Variants in CSMD1 observed in about 807,000 individuals in gnomAD.
The protein encoded by CSMD1 is CUB and sushi domain-containing protein 1.
CSMD1 carries 213 observed loss-of-function variants against 417.5 expected under a neutral mutation model. The ratio of observed to expected loss-of-function variants is 0.51; its 90% CI spans 0.46 to 0.57. The LOEUF is 0.57. Among genes scored for constraint, CSMD1 ranks in the 20% least tolerant of loss-of-function variants. The pLI, the probability that CSMD1 is intolerant of heterozygous loss-of-function variation, is 0.00. For missense variants in CSMD1, 6,923 were observed against 4,529.7 expected (o/e 1.53, Z -15.17); for synonymous variants, 2,862 against 1,736.8 (o/e 1.65, Z -16.11).
chr8:3,962,524 A>T (rs1198985444), intron 5 of CSMD1, among the ~76,000 whole-genome samples: 2 of 152,174 alleles, frequency 1.3e-5, no homozygotes, highest in East Asian at 3.9e-4. Context: ...TTAACGTAAT[A>T]GGCTAATCGC....
intron 7 of CSMD1, among the ~76,000 whole-genome samples, chr8:3,629,377 T>C (rs968597528): frequency 5.3e-5 from 8 of 152,186 alleles, no homozygotes; most frequent in African/African-American, 9.7e-5. Flanking sequence ...TATATGTGTA[T>C]TTAGTTACAT....
At chr8:4,454,632 G>T (rs528248541) in intron 2 of CSMD1, among the ~76,000 whole-genome samples, 1 of 152,210 alleles carries the variant, frequency 6.6e-6, no homozygotes, top group Non-Finnish European at 1.5e-5. Context: ...AGCTGATAAA[G>T]AGACTAAGGC....
intron 10 of CSMD1, among the ~76,000 whole-genome samples, chr8:3,556,680 C>T (rs543633671): frequency 6.6e-6 from 1 of 152,024 alleles, no homozygotes; most frequent in Admixed American, 6.5e-5. Context: ...TTGCGTCTCT[C>T]TACTGTAAGC....
intron 4 of CSMD1, among the ~76,000 whole-genome samples, chr8:4,026,516 T>C (rs1421890948): frequency 6.6e-6 from 1 of 152,162 alleles, no homozygotes; most frequent in Non-Finnish European, 1.5e-5. Flanking sequence ...GGAGGATATG[T>C]AAGCAAAAAA....
intron 3 of CSMD1, among the ~76,000 whole-genome samples, chr8:4,079,812 A>C (rs564207493): frequency 6.6e-6 from 1 of 152,126 alleles, no homozygotes; most frequent in Non-Finnish European, 1.5e-5. Context: ...AGGGAGTGAC[A>C]TCACGAGAGA....
intron 4 of CSMD1, among the ~76,000 whole-genome samples, chr8:4,000,074 T>C (rs2688371): frequency 0.21 from 32,533 of 152,248 alleles, 4,362 homozygotes; most frequent in South Asian, 0.36. Context: ...AAGTACTTCC[T>C]GTGCCCACTA....
At chr8:3,065,698 A>G (rs79092055) in intron 49 of CSMD1, among the ~76,000 whole-genome samples, 1,786 of 152,304 alleles carry the variant, frequency 0.012, 40 homozygotes, top group African/African-American at 0.04. Context: ...AAGACAGAGA[A>G]AGAAAGATGA....
At chr8:4,326,467 G>A (rs758621821) in intron 3 of CSMD1, among the ~76,000 whole-genome samples, 2 of 152,154 alleles carry the variant, frequency 1.3e-5, no homozygotes, top group Admixed American at 1.3e-4. Context: ...ATATATGCTT[G>A]ACATAAGGAA....
chr8:4,790,503 A>G (rs898927010), intron 1 of CSMD1, among the ~76,000 whole-genome samples: 26 of 152,208 alleles, frequency 1.7e-4, no homozygotes, highest in Non-Finnish European at 2.9e-5. Flanking sequence ...TTTGGAACCA[A>G]AAAAGAGACC....
intron 3 of CSMD1, among the ~76,000 whole-genome samples, chr8:4,161,179 G>A (rs1303191671): frequency 1.3e-5 from 2 of 151,774 alleles, no homozygotes; most frequent in African/African-American, 4.8e-5. Flanking sequence ...TGAAGTACTT[G>A]CAATGTGCTA....
chr8:3,286,891 C>T (rs1803203278), intron 25 of CSMD1, among the ~76,000 whole-genome samples: 1 of 152,070 alleles, frequency 6.6e-6, no homozygotes, highest in Non-Finnish European at 1.5e-5. Flanking sequence ...GACATGAAGT[C>T]CTTGCCCATG....
intron 1 of CSMD1, among the ~76,000 whole-genome samples, chr8:4,889,635 C>T (rs1803977076): frequency 6.6e-6 from 1 of 151,730 alleles, no homozygotes; most frequent in African/African-American, 2.4e-5. Flanking sequence ...TTACTGGTAG[C>T]CATAAGAGAC....
intron 7 of CSMD1, among the ~76,000 whole-genome samples, chr8:3,686,412 C>G (rs189033333): frequency 6.6e-6 from 1 of 152,252 alleles, no homozygotes; most frequent in Admixed American, 6.5e-5. Context: ...TCCTGCGTGA[C>G]TTCTCTATTT....
chr8:4,681,565 G>A (rs375743784), intron 1 of CSMD1, among the ~76,000 whole-genome samples: 22 of 152,236 alleles, frequency 1.4e-4, no homozygotes, highest in African/African-American at 4.6e-4. Context: ...GCTTTCTGGT[G>A]CTTGCTATTG....
chr8:3,157,435 C>T (rs1819604375), intron 39 of CSMD1, among the ~76,000 whole-genome samples: 1 of 152,172 alleles, frequency 6.6e-6, no homozygotes, highest in South Asian at 2.1e-4. Context: ...AGCGCATCCA[C>T]AAGATAGTCA....
chr8:4,465,607 G>C (rs1585122958), intron 2 of CSMD1, among the ~76,000 whole-genome samples: 1 of 152,126 alleles, frequency 6.6e-6, no homozygotes, highest in Non-Finnish European at 1.5e-5. Context: ...CAGACGTTGA[G>C]GATTATTAAG....
intron 5 of CSMD1, among the ~76,000 whole-genome samples, chr8:3,755,951 T>C (rs142272024): frequency 7.3e-4 from 111 of 152,224 alleles, no homozygotes; most frequent in Middle Eastern, 6.8e-3. Flanking sequence ...ATGTTACAAA[T>C]TCTATAGGCC....
At chr8:4,185,935 T>C (rs1798650025) in intron 3 of CSMD1, among the ~76,000 whole-genome samples, 1 of 152,158 alleles carries the variant, frequency 6.6e-6, no homozygotes. Context: ...TTCCCTGCAA[T>C]ACTTTCAGCT....
At chr8:4,269,835 C>T (rs1171411296) in intron 3 of CSMD1, among the ~76,000 whole-genome samples, 1 of 152,194 alleles carries the variant, frequency 6.6e-6, no homozygotes, top group Non-Finnish European at 1.5e-5. Context: ...TAGTGCCAAT[C>T]TATCCTTCCC....
Sources: allele counts gnomAD v4.1 joint callset (sites outside exome capture counted in the v4.1 genomes callset), GRCh38; gene constraint gnomAD v4.1.1; transcripts MANE v1.5; gene names NCBI Gene and HGNC (gene_info 2026-07-23, HGNC 2026-07-21).